Variants in MECOM observed in about 807,000 individuals in gnomAD.
The protein encoded by MECOM is MDS1 and EVI1 complex locus.
In MECOM, 13 loss-of-function variants were observed where a neutral mutation model predicts 116.3. That is an observed-to-expected ratio of 0.11 (90% CI 0.07 to 0.18). The LOEUF is 0.18. Ranked by LOEUF, MECOM falls within the 10% of genes least tolerant of loss-of-function variation. The pLI, the probability that MECOM is intolerant of heterozygous loss-of-function variation, is 1.00. For missense variants in MECOM, 1,299 were observed against 1,509.0 expected (o/e 0.86, Z 2.31); for synonymous variants, 528 against 535.2 (o/e 0.99, Z 0.19).
intron 1 of MECOM, among the ~76,000 whole-genome samples, chr3:169,616,211 G>A (rs980580653): frequency 6.6e-6 from 1 of 152,180 alleles, no homozygotes; most frequent in Non-Finnish European, 1.5e-5. Context: ...GTGCAAAGGA[G>A]GCATGGAGGC....
intron 2 of MECOM, among the ~76,000 whole-genome samples, chr3:169,254,775 C>T (rs12492603): frequency 0.033 from 4,938 of 151,900 alleles, 213 homozygotes; most frequent in Admixed American, 0.13. Flanking sequence ...GAAAACATTC[C>T]AAAAATCTTA....
At chr3:169,400,669 T>C (rs1004892691) in intron 1 of MECOM, among the ~76,000 whole-genome samples, 1 of 152,240 alleles carries the variant, frequency 6.6e-6, no homozygotes, top group African/African-American at 2.4e-5. Flanking sequence ...TGATCAAGAA[T>C]GTCACATTCA....
chr3:169,277,253 T>C (rs932443104), intron 2 of MECOM, among the ~76,000 whole-genome samples: 1 of 152,184 alleles, frequency 6.6e-6, no homozygotes, highest in Non-Finnish European at 1.5e-5. Context: ...ATAGTTCATT[T>C]TCTTCTTGAC....
chr3:169,610,401 T>A (rs1005303259), intron 1 of MECOM, among the ~76,000 whole-genome samples: 1 of 152,196 alleles, frequency 6.6e-6, no homozygotes, highest in African/African-American at 2.4e-5. Context: ...ATTGTGTGTT[T>A]ACCATGTGAC....
Position 169,392,524 on chromosome 3 carries a change from GT to G in MECOM, c.38-11001del, listed in dbSNP as rs376983496. 6.0e-4 allele frequency among the ~76,000 whole-genome samples: 91 copies of G among 152,216 alleles called. 1 individual carries two copies. In the East Asian group the frequency reaches 0.015, roughly 25 times the overall value. ...AAAACATTTATTCAATAAATACCAC[GT>G]TGTGCCTGGAGCTGTGTAAGTTGCT... On this transcript the variant is annotated intron_variant, in intron 1 of 16. Coordinates refer to ENST00000651503, the MANE Select transcript of MECOM (RefSeq NM_004991.4).
chr3:169,139,219 TTTC>T (rs1737344859), intron 3 of MECOM, among the ~76,000 whole-genome samples: 1 of 152,094 alleles, frequency 6.6e-6, no homozygotes, highest in African/African-American at 2.4e-5. Context: ...TATCGACACA[TTTC>T]TTTTTATTCA....
At chr3:169,637,583 T>G (rs1345204628) in intron 1 of MECOM, among the ~76,000 whole-genome samples, 1 of 152,156 alleles carries the variant, frequency 6.6e-6, no homozygotes, top group Non-Finnish European at 1.5e-5. Context: ...AGAACTGAGC[T>G]CTCTGGCACT....
intron 1 of MECOM, among the ~76,000 whole-genome samples, chr3:169,510,210 C>T (rs890913401): frequency 6.6e-6 from 1 of 152,146 alleles, no homozygotes; most frequent in Admixed American, 6.5e-5. Context: ...ACTGTAAACT[C>T]CTGCATTCAC....
intron 1 of MECOM, among the ~76,000 whole-genome samples, chr3:169,441,387 T>C (rs1297802393): frequency 1.3e-5 from 2 of 152,322 alleles, no homozygotes; most frequent in East Asian, 3.9e-4. Flanking sequence ...ATCATACCCA[T>C]TTTTAAAACT....
At chr3:169,104,313 T>C (rs972146921) in intron 10 of MECOM, among the ~76,000 whole-genome samples, 1 of 152,234 alleles carries the variant, frequency 6.6e-6, no homozygotes, top group African/African-American at 2.4e-5. Context: ...TTTGGATTTA[T>C]TTGTTAAAAA....
At chr3:169,222,036 A>G (rs1752199328) in intron 2 of MECOM, among the ~76,000 whole-genome samples, 1 of 152,090 alleles carries the variant, frequency 6.6e-6, no homozygotes. Flanking sequence ...TAAAATTATC[A>G]TTTCCGTAGA....
At chr3:169,289,465 C>G (rs532203391) in intron 2 of MECOM, among the ~76,000 whole-genome samples, 1 of 152,284 alleles carries the variant, frequency 6.6e-6, no homozygotes, top group South Asian at 2.1e-4. Context: ...CCTTCTTGTT[C>G]ATTATTTAAA....
intron 1 of MECOM, among the ~76,000 whole-genome samples, chr3:169,420,563 C>T (rs73879066): frequency 0.024 from 3,591 of 152,130 alleles, 132 homozygotes; most frequent in African/African-American, 0.081. Context: ...TATAGGAAGC[C>T]GGCCCCTAGA....
chr3:169,426,913 G>A (rs765279671), intron 1 of MECOM, among the ~76,000 whole-genome samples: 4 of 152,088 alleles, frequency 2.6e-5, no homozygotes, highest in Non-Finnish European at 4.4e-5. Flanking sequence ...ATGTATACAC[G>A]TTAAATCTTT....
intron 1 of MECOM, among the ~76,000 whole-genome samples, chr3:169,530,451 G>A (rs1026662920): frequency 2.1e-4 from 32 of 152,220 alleles, no homozygotes; most frequent in African/African-American, 7.7e-4. Context: ...GGGGTGAGAG[G>A]TGAACTGACA....
At chr3:169,108,371 T>A (rs1330288793) in intron 9 of MECOM, among the ~76,000 whole-genome samples, 1 of 152,220 alleles carries the variant, frequency 6.6e-6, no homozygotes, top group African/African-American at 2.4e-5. Flanking sequence ...TACTCAAATA[T>A]GAATCACTAA....
At chr3:169,412,049 G>A (rs920109778) in intron 1 of MECOM, among the ~76,000 whole-genome samples, 2 of 151,876 alleles carry the variant, frequency 1.3e-5, no homozygotes, top group Admixed American at 1.3e-4. Context: ...ACTTTGGGAG[G>A]CCAAGGCAGG....
At chr3:169,087,013 G>A (rs1233761492) in intron 16 of MECOM, among the ~76,000 whole-genome samples, 9 of 152,118 alleles carry the variant, frequency 5.9e-5, no homozygotes, top group African/African-American at 2.4e-5. Flanking sequence ...ATTTGCAAAA[G>A]GGCCTGACCA....
At chr3:169,562,156 A>AG (rs1323534610) in intron 1 of MECOM, among the ~76,000 whole-genome samples, 1 of 142,220 alleles carries the variant, frequency 7.0e-6, no homozygotes, top group Non-Finnish European at 1.5e-5. Context: ...AAAAAAAAAA[A>AG]AAAAAAGGAA....
Sources: allele counts gnomAD v4.1 joint callset (sites outside exome capture counted in the v4.1 genomes callset), GRCh38; gene constraint gnomAD v4.1.1; transcripts MANE v1.5; gene names NCBI Gene and HGNC (gene_info 2026-07-23, HGNC 2026-07-21).